Variants in C3orf62 observed in about 807,000 individuals in gnomAD.
C3orf62 encodes chromosome 3 open reading frame 62.
C3orf62 carries 16 observed loss-of-function variants against 21.7 expected under a neutral mutation model. The observed-to-expected ratio is 0.74, with a 90% CI of 0.50 to 1.12. The LOEUF is 1.12. C3orf62 is among the 50% of genes most tolerant of loss of function. C3orf62 has a pLI of 0.00. For missense variants in C3orf62, 310 were observed against 318.8 expected (o/e 0.97, Z 0.21); for synonymous variants, 114 against 117.0 (o/e 0.97, Z 0.17).
chr3:49,273,805 A>G (rs1265175971), intron 2 of C3orf62, among the ~76,000 whole-genome samples: 2 of 151,974 alleles, frequency 1.3e-5, no homozygotes. Flanking sequence ...ACCGGCGTGC[A>G]CCACCACGCC....
At position 49,277,093 on chromosome 3, in the gene C3orf62, C is replaced by T. The variant is rs1332339802; in HGVS notation, c.-221G>A. The T allele has an allele frequency of 1.3e-6, 2 of 1,486,384 alleles. No individual in the cohort carries two copies. Among genetic ancestry groups the T allele is most frequent in the African/African-American group, 1.4e-5 (1 of 71,980 alleles). 92.1% of individuals were successfully genotyped at this position (1,486,384 alleles called of 1,614,324 possible). ...CTTCCCACAGCTTCCTGGCCCGCCC[C>T]GCCGCTGCCTCCCGCCCCACCGCGG... is the stretch of plus-strand genomic sequence containing the variant. On this transcript the variant is annotated 5_prime_UTR_variant, in exon 1 of 3. Coordinates refer to ENST00000343010, the MANE Select transcript of C3orf62 (RefSeq NM_198562.3).
At position 49,274,159 on chromosome 3, in the gene C3orf62, G is replaced by C. The variant is rs1277951968; in HGVS notation, c.447-19C>G. The stretch of plus-strand genomic sequence containing the variant: ...ATCTTTCCTGCAGCCCCCAGGTGGG[G>C]GGGAAGAAAAGGTGGGGAATTAGAT... On this transcript the variant is annotated intron_variant, in intron 1 of 2. Coordinates refer to ENST00000343010, the MANE Select transcript of C3orf62 (RefSeq NM_198562.3). 1 of 1,588,322 alleles carries C rather than the reference G, an allele frequency of 6.3e-7. No individual in the cohort carries two copies. Among genetic ancestry groups the C allele is most frequent in the South Asian group, 1.1e-5 (1 of 90,440 alleles).
rs541442597 is a variant in C3orf62, at chr3:49,273,354, G to A, written c.538+695C>T. On this transcript the variant is annotated intron_variant, in intron 2 of 2. Transcript: ENST00000343010. ...GGGAGGATCACCTGAGCCCAGGGAG[G>A]TTGAGGCTGCAGTGAACTGTGATCG... Among the ~76,000 whole-genome samples the A allele has an allele frequency of 5.9e-5, 9 of 152,264 alleles. No homozygotes were observed. The East Asian group carries it at 1.6e-3, about 26-fold the overall frequency.
intron 2 of C3orf62, among the ~76,000 whole-genome samples, chr3:49,273,118 A>G (rs950403827): frequency 6.6e-6 from 1 of 152,188 alleles, no homozygotes; most frequent in African/African-American, 2.4e-5. Context: ...CAAAACATCT[A>G]CCAAATAAAA....
chr3:49,276,554 G>A lies in C3orf62; in HGVS notation c.319C>T (p.Leu107=). Residue 107 remains leucine (L), a synonymous_variant, in exon 1 of 3, where the codon CTG becomes TTG. Transcript: ENST00000343010. ...GTTAGAGGTTTTCTCTCGGGGCACA[G>A]AGCATGTGGTTTTGCATTTACCGGG... The part of the protein sequence containing the change: ...HAPVNAKPHA[L]CPERKPLTSK... The A allele has an allele frequency of 6.2e-7, 1 of 1,614,218 alleles. No individual in the cohort carries two copies. The highest frequency in any genetic ancestry group is 1.3e-5 in the African/African-American group (1 of 75,060).
chr3:49,272,263 C>T (rs1278144040), intron 2 of C3orf62, among the ~76,000 whole-genome samples: 2 of 152,084 alleles, frequency 1.3e-5, no homozygotes, highest in Non-Finnish European at 2.9e-5. Flanking sequence ...CTTTGGGAGG[C>T]TGAGGCAGGA....
rs754490851 is a variant in C3orf62 at position 49,276,487 on chromosome 3, G to C, written c.386C>G (p.Pro129Arg). Residue 129 changes from proline to arginine, a missense_variant, in exon 1 of 3, where the codon CCT (proline) becomes CGT (arginine). Coordinates refer to ENST00000343010, the MANE Select transcript of C3orf62 (RefSeq NM_198562.3). ...TGCAGTTCTCCAAGACTCTCTTTCA[G>C]GTGCCAAAATGGAGGAATGCATCAA... ...NVLMHSSILAPERESWRTAGE... is the reference protein window; with the variant it reads ...NVLMHSSILARERESWRTAGE... 21 of 1,614,144 alleles carry C rather than the reference G, an allele frequency of 1.3e-5. No individual in the cohort carries two copies. The highest frequency in any genetic ancestry group is 3.3e-4 in the Middle Eastern group (2 of 6,062).
rs1190837139 is a variant in C3orf62 at position 49,277,157 on chromosome 3, C to A, written c.-285G>T. The A allele has an allele frequency of 4.2e-6, 6 of 1,418,058 alleles. No homozygotes were observed. Among genetic ancestry groups the A allele is most frequent in the Non-Finnish European group, 5.6e-6 (6 of 1,071,408 alleles). 87.8% of individuals were successfully genotyped at this position (1,418,058 alleles called of 1,614,324 possible). A position where few individuals can be genotyped will look rare whatever the true frequency, so the allele number is the denominator to read the frequency against. ...GGCCCTACCGGCACCCCCCCTTTGG[C>A]GAGTCGGCAGCCACGTCCTTGTCCT... On this transcript the variant is annotated 5_prime_UTR_variant, in exon 1 of 3. Transcript: ENST00000343010.
chr3:49,271,568 C>T lies in C3orf62; in HGVS notation c.539-123G>A, dbSNP rs1037464434. On this transcript the variant is annotated intron_variant, in intron 2 of 2. Coordinates refer to ENST00000343010, the MANE Select transcript of C3orf62 (RefSeq NM_198562.3). ...AGGGATTGTGTAAAAGCAGGCATTC[C>T]TGCCCCAGGACAGGCAGGCTGCCAG... 116 of 1,268,624 alleles carry T rather than the reference C, an allele frequency of 9.1e-5. 1 individual carries two copies. The East Asian group carries it at 2.6e-3, about 28-fold the overall frequency. 78.6% of individuals were successfully genotyped at this position (1,268,624 alleles called of 1,614,324 possible).
Position 49,271,406 on chromosome 3 carries a change from T to C in C3orf62, c.578A>G (p.Lys193Arg). 6.2e-7 allele frequency: 1 copy of C among 1,614,228 alleles called. No individual in the cohort carries two copies. Among genetic ancestry groups the C allele is most frequent in the Non-Finnish European group, 8.5e-7 (1 of 1,180,024 alleles). ...SIRTIEELAGKIEFENELNHM... is the reference protein window; with the variant it reads ...SIRTIEELAGRIEFENELNHM... ...GTTCAATTCGTTTTCAAATTCTATT[T>C]TTCCAGCCAATTCTTCAATAGTTCG... Residue 193 changes from lysine to arginine, a missense_variant, in exon 3 of 3, where the codon AAA (lysine) becomes AGA (arginine). Lys to Arg is a conservative substitution (Grantham distance 26). Transcript: ENST00000343010.
chr3:49,277,149 C>T lies in C3orf62; in HGVS notation c.-277G>A, dbSNP rs539655510. On this transcript the variant is annotated 5_prime_UTR_variant, in exon 1 of 3. Coordinates refer to ENST00000343010, the MANE Select transcript of C3orf62 (RefSeq NM_198562.3). Reference sequence around the variant, plus strand: ...AGGCCGCTGGCCCTACCGGCACCCCCCCTTTGGCGAGTCGGCAGCCACGTC... The same window carrying T: ...AGGCCGCTGGCCCTACCGGCACCCCTCCTTTGGCGAGTCGGCAGCCACGTC... The T allele has an allele frequency of 6.3e-6, 9 of 1,439,370 alleles. 1 individual carries two copies. The highest frequency in any genetic ancestry group is 2.8e-5 in the African/African-American group (2 of 71,204). The allele number at this position is 1,439,370 out of a possible 1,614,324, so 89.2% of individuals were successfully genotyped here.
Position 49,277,029 on chromosome 3 carries a change from CCCG to C in C3orf62, c.-160_-158del. 1 of 1,462,422 alleles carries C rather than the reference CCCG, an allele frequency of 6.8e-7. No individual in the cohort carries two copies. The highest frequency in any genetic ancestry group is 9.0e-7 in the Non-Finnish European group (1 of 1,110,580). 90.6% of individuals were successfully genotyped at this position (1,462,422 alleles called of 1,614,324 possible). ...GCGGTTCTCGGCTCTCGCGGAGGAA[CCCG>C]CCATCTGCCAGAAGCCCCAAAGACG... On this transcript the variant is annotated 5_prime_UTR_variant, in exon 1 of 3. Coordinates refer to ENST00000343010, the MANE Select transcript of C3orf62 (RefSeq NM_198562.3).
intron 1 of C3orf62, among the ~76,000 whole-genome samples, 191 bp downstream of exon 1, chr3:49,276,236 C>T (rs2046958616): frequency 6.7e-6 from 1 of 149,736 alleles, no homozygotes; most frequent in Admixed American, 6.6e-5. Context: ...TCAACTGGAA[C>T]ATATACACAA....
Position 49,276,583 on chromosome 3 carries a change from TGGTTTGTTGCAAAGGCAG to T in C3orf62, c.272_289del (p.Pro91_Asn96del), listed in dbSNP as rs1300150620. 6.2e-7 allele frequency: 1 copy of T among 1,614,106 alleles called. No homozygotes were observed. The highest frequency in any genetic ancestry group is 2.2e-5 in the East Asian group (1 of 44,902). On this transcript the variant is annotated inframe_deletion, in exon 1 of 3. Transcript: ENST00000343010. ...ATGTGGTTTTGCATTTACCGGGGCA[TGGTTTGTTGCAAAGGCAG>T]GGTTCTCATTCTCAGGAGCACATGG...
In C3orf62 at chr3:49,277,079, T is replaced by G; in HGVS notation, c.-207A>C. 6.7e-7 allele frequency: 1 copy of G among 1,487,968 alleles called. No individual in the cohort carries two copies. The highest frequency in any genetic ancestry group is 8.9e-7 in the Non-Finnish European group (1 of 1,117,412). 92.2% of individuals were successfully genotyped at this position (1,487,968 alleles called of 1,614,324 possible). ...GACGCCCCGCCCCACTTCCCACAGC[T>G]TCCTGGCCCGCCCCGCCGCTGCCTC... On this transcript the variant is annotated 5_prime_UTR_variant, in exon 1 of 3. Coordinates refer to ENST00000343010, the MANE Select transcript of C3orf62 (RefSeq NM_198562.3).
In C3orf62 at chr3:49,271,491, C is replaced by T. The variant is rs751632932; in HGVS notation, c.539-46G>A. On this transcript the variant is annotated intron_variant, in intron 2 of 2. Transcript: ENST00000343010. ...GCTTTACAATTCCAGTGGAAGGTTT[C>T]TGAAGACATTTCAGGTGCAAGTTAA... is the stretch of plus-strand genomic sequence containing the variant. The T allele has an allele frequency of 4.4e-6, 7 of 1,582,100 alleles. No individual in the cohort carries two copies. The Admixed American group carries it at 1.2e-4, about 28-fold the overall frequency.
At position 49,274,254 on chromosome 3, in the gene C3orf62, C is replaced by T. The variant is rs563476248; in HGVS notation, c.447-114G>A. 7.6e-5 allele frequency: 57 copies of T among 747,832 alleles called. 1 individual carries two copies. The East Asian group carries it at 1.2e-3, about 15-fold the overall frequency. 46.3% of individuals were successfully genotyped at this position (747,832 alleles called of 1,614,324 possible). ...CTCAAAGACAAAAACTTACTGGTGA[C>T]CTTGTCATTTATGCTTTGATTAAAG... On this transcript the variant is annotated intron_variant, in intron 1 of 2. Coordinates refer to ENST00000343010, the MANE Select transcript of C3orf62 (RefSeq NM_198562.3).
At chr3:49,272,403 C>T (rs1282705286) in intron 2 of C3orf62, among the ~76,000 whole-genome samples, 1 of 151,544 alleles carries the variant, frequency 6.6e-6, no homozygotes, top group Non-Finnish European at 1.5e-5. Flanking sequence ...AGTTCACATA[C>T]AGGACATTCA....
chr3:49,274,228 T>C (rs1483288029), intron 1 of C3orf62, 88 bp from the exon 2 acceptor site: 1 of 1,028,534 alleles, frequency 9.7e-7, no homozygotes, highest in Admixed American at 2.0e-5. Context: ...TTTTAGATAA[T>C]CTCAAAGACA....
Sources: gnomAD v4.1 joint callset for allele counts (sites outside exome capture counted in the v4.1 genomes callset) on GRCh38, gnomAD v4.1.1 for gene constraint, MANE v1.5 for transcripts, NCBI Gene and HGNC (gene_info 2026-07-23, HGNC 2026-07-21) for gene names.